Variants in COL21A1 observed in about 807,000 individuals in gnomAD.
COL21A1 encodes collagen type XXI alpha 1 chain.
In COL21A1, 149 loss-of-function variants were observed where a neutral mutation model predicts 137.9. The observed-to-expected ratio is 1.08, with a 90% CI of 0.95 to 1.24. The LOEUF is 1.24. Among genes scored for constraint, COL21A1 ranks in the 50% most tolerant of loss-of-function variants. The pLI is 0.00. For missense variants in COL21A1, 1,167 were observed against 1,158.4 expected, an observed-to-expected ratio of 1.01 and a Z score of -0.11; for synonymous variants, 456 against 391.5, an observed-to-expected ratio of 1.16 and a Z score of -1.95.
At chr6:56,287,115 A>C (rs557327444) in intron 1 of COL21A1, among the ~76,000 whole-genome samples, 1 of 152,212 alleles carries the variant, frequency 6.6e-6, no homozygotes, top group African/African-American at 2.4e-5. Flanking sequence ...CAATCCTCTC[A>C]TTGAGGCTAA....
At chr6:56,374,066 A>G (rs2152350763) in intron 1 of COL21A1, among the ~76,000 whole-genome samples, 1 of 152,334 alleles carries the variant, frequency 6.6e-6, no homozygotes, top group South Asian at 2.1e-4. Flanking sequence ...AATCCAGGAA[A>G]AGATTTTTAT....
intron 1 of COL21A1, among the ~76,000 whole-genome samples, chr6:56,270,679 T>A (rs939547286): frequency 2.6e-5 from 4 of 152,202 alleles, no homozygotes; most frequent in Admixed American, 1.3e-4. Flanking sequence ...CCACGTGTCC[T>A]GAAAGACATC....
At chr6:56,287,489 A>C (rs1763943631) in intron 1 of COL21A1, among the ~76,000 whole-genome samples, 1 of 151,960 alleles carries the variant, frequency 6.6e-6, no homozygotes, top group African/African-American at 2.4e-5. Flanking sequence ...AGTTCTCATG[A>C]GATCTGGTTA....
chr6:56,068,733 A>G (rs1292742944), intron 22 of COL21A1: 1 of 185,230 alleles, frequency 5.4e-6, no homozygotes, highest in Admixed American at 6.3e-5. Context: ...ATTTTCCTCA[A>G]AAAATTCTTA....
At chr6:56,260,672 G>GC (rs1422675358) in intron 1 of COL21A1, among the ~76,000 whole-genome samples, 3 of 130,230 alleles carry the variant, frequency 2.3e-5, no homozygotes, top group African/African-American at 1.0e-4. Context: ...AGGAAGGAAG[G>GC]AAGGAAGGAA....
At chr6:56,129,626 C>G (rs1190399124) in intron 12 of COL21A1, among the ~76,000 whole-genome samples, 1 of 150,426 alleles carries the variant, frequency 6.6e-6, no homozygotes, top group East Asian at 2.0e-4. Context: ...ATTGCTTCCT[C>G]TGTCACGTGC....
At chr6:56,219,551 C>CT (rs1780701664) in intron 1 of COL21A1, among the ~76,000 whole-genome samples, 1 of 152,092 alleles carries the variant, frequency 6.6e-6, no homozygotes, top group Non-Finnish European at 1.5e-5. Flanking sequence ...AGCGTCTCGA[C>CT]TTTTTGCAAA....
chr6:56,285,034 C>T (rs576476278), intron 1 of COL21A1, among the ~76,000 whole-genome samples: 1 of 152,332 alleles, frequency 6.6e-6, no homozygotes, highest in East Asian at 1.9e-4. Flanking sequence ...GCATTTCCCT[C>T]CCTGCACTCT....
At chr6:56,372,926 T>C (rs911911196) in intron 1 of COL21A1, among the ~76,000 whole-genome samples, 1 of 152,150 alleles carries the variant, frequency 6.6e-6, no homozygotes, top group African/African-American at 2.4e-5. Flanking sequence ...ACTGAAAATG[T>C]CAGATGTTTG....
At chr6:56,067,771 C>T (rs1023054811) in intron 22 of COL21A1, among the ~76,000 whole-genome samples, 31 of 151,576 alleles carry the variant, frequency 2.0e-4, no homozygotes, top group African/African-American at 7.5e-4. Context: ...TTTTAGAAAA[C>T]ATATATTTCA....
At chr6:56,224,239 T>C (rs942131580) in intron 1 of COL21A1, among the ~76,000 whole-genome samples, 2 of 152,144 alleles carry the variant, frequency 1.3e-5, no homozygotes, top group African/African-American at 4.8e-5. Context: ...CTTTTGTCCC[T>C]GACTCAACAG....
chr6:56,341,506 C>T (rs1238121067), intron 1 of COL21A1, among the ~76,000 whole-genome samples: 2 of 152,036 alleles, frequency 1.3e-5, no homozygotes, highest in African/African-American at 4.8e-5. Flanking sequence ...TCTATGATTC[C>T]CACTATATGA....
Position 56,343,804 on chromosome 6 carries a change from G to A in COL21A1, c.-39+50167C>T, listed in dbSNP as rs569856765. Among the ~76,000 whole-genome samples, 183 of 152,218 alleles carry A rather than the reference G, an allele frequency of 1.2e-3. 1 individual carries two copies. Among genetic ancestry groups the A allele is most frequent in the African/African-American group, 4.0e-3 (167 of 41,524 alleles). The stretch of plus-strand genomic sequence containing the variant: ...AAAAAAATTTAAAAATTAGCCAGGC[G>A]TGGTGGCATGCACCTGTAGTCCCAG... On this transcript the variant is annotated intron_variant, in intron 1 of 28. Transcript: ENST00000370819.
At position 56,070,806 on chromosome 6, in the gene COL21A1, C is replaced by T. The variant is rs1201142258; in HGVS notation, c.1966-8G>A. 3.1e-6 allele frequency: 5 copies of T among 1,592,066 alleles called. No homozygotes were observed. Among genetic ancestry groups the T allele is most frequent in the Non-Finnish European group, 4.3e-6 (5 of 1,171,476 alleles). Reference sequence around the variant, plus strand: ...AGGTTCACCTTTGCTTCCCTGTCAACACATCAAAAACATTGGAGTTTTTTA... The same window carrying T: ...AGGTTCACCTTTGCTTCCCTGTCAATACATCAAAAACATTGGAGTTTTTTA... On this transcript the variant is annotated splice_polypyrimidine_tract_variant and splice_region_variant and intron_variant, in intron 20 of 29. Transcript: ENST00000244728.
At chr6:56,063,801 C>T (rs114427752) in intron 24 of COL21A1, among the ~76,000 whole-genome samples, 157 of 152,130 alleles carry the variant, frequency 1.0e-3, no homozygotes, top group African/African-American at 3.7e-3. Context: ...GGTGTAATTG[C>T]AGAATCTTTC....
chr6:56,141,427 A>G (rs952845716), intron 12 of COL21A1, among the ~76,000 whole-genome samples: 1 of 152,198 alleles, frequency 6.6e-6, no homozygotes, highest in Non-Finnish European at 1.5e-5. Context: ...ATAGATACCA[A>G]TTGTGGAGAT....
chr6:56,265,287 G>T (rs1236580746), intron 1 of COL21A1, among the ~76,000 whole-genome samples: 1 of 152,210 alleles, frequency 6.6e-6, no homozygotes, highest in Admixed American at 6.5e-5. Flanking sequence ...GCCAAGTGGG[G>T]AGTGGAACAG....
chr6:56,121,638 C>T (rs978265973), intron 16 of COL21A1, among the ~76,000 whole-genome samples: 5 of 150,048 alleles, frequency 3.3e-5, no homozygotes, highest in Non-Finnish European at 7.4e-5. Context: ...TTAACTCTAA[C>T]ATAAACTATG....
chr6:56,304,217 G>C (rs2152338005), intron 1 of COL21A1, among the ~76,000 whole-genome samples: 1 of 152,064 alleles, frequency 6.6e-6, no homozygotes, highest in African/African-American at 2.4e-5. Flanking sequence ...TCTCTGCCCA[G>C]CTTTGGTATC....
Sources: gnomAD v4.1 joint callset for allele counts (sites outside exome capture counted in the v4.1 genomes callset) on GRCh38, gnomAD v4.1.1 for gene constraint, MANE v1.5 for transcripts, NCBI Gene and HGNC (gene_info 2026-07-23, HGNC 2026-07-21) for gene names.